The following RPS6KA2 variants were observed in gnomAD, a reference collection of about 807,000 sequenced individuals.
RPS6KA2 encodes the protein ribosomal protein S6 kinase A2, also known as ribosomal protein S6 kinase alpha-2.
A neutral mutation model predicts 91.8 loss-of-function variants in RPS6KA2; 42 were observed. The ratio of observed to expected loss-of-function variants is 0.46; its 90% CI spans 0.36 to 0.59. RPS6KA2 has a LOEUF of 0.59. Among genes scored for constraint, RPS6KA2 ranks in the 20% least tolerant of loss-of-function variants. The pLI is 0.00. For missense variants in RPS6KA2, 798 were observed against 978.5 expected, an observed-to-expected ratio of 0.82 and a Z score of 2.46; for synonymous variants, 414 against 393.6, an observed-to-expected ratio of 1.05 and a Z score of -0.61.
At chr6:166,476,820 G>A (rs976359032) in intron 10 of RPS6KA2, among the ~76,000 whole-genome samples, 6 of 152,122 alleles carry the variant, frequency 3.9e-5, no homozygotes, top group East Asian at 1.9e-4. Flanking sequence ...AGTCCAGGGC[G>A]GGAGAGCTCT....
intron 1 of RPS6KA2, among the ~76,000 whole-genome samples, chr6:166,544,038 G>T (rs1457771708): frequency 6.6e-6 from 1 of 152,248 alleles, no homozygotes; most frequent in Non-Finnish European, 1.5e-5. Flanking sequence ...AAATTCACCA[G>T]GTTGTCACCT....
chr6:166,848,041 C>A (rs1780650209), intron 2 of RPS6KA2, among the ~76,000 whole-genome samples: 1 of 152,106 alleles, frequency 6.6e-6, no homozygotes, highest in African/African-American at 2.4e-5. Flanking sequence ...TCAGGATCTG[C>A]AAGGAACTCA....
chr6:166,412,753 T>TCC lies in RPS6KA2; in HGVS notation c.*7_*8dup. 2 of 1,587,786 alleles carry TCC rather than the reference T, an allele frequency of 1.3e-6. No individual in the cohort carries two copies. Among genetic ancestry groups the TCC allele is most frequent in the Non-Finnish European group, 1.7e-6 (2 of 1,169,550 alleles). On this transcript the variant is annotated 3_prime_UTR_variant, in exon 21 of 21. Coordinates refer to ENST00000265678, the MANE Select transcript of RPS6KA2 (RefSeq NM_021135.6). This position sits in a 1 kb window ranked among gnomAD's most constrained non-coding sequence, Gnocchi z 4.3. ...CTGGCAGGGGACGCTGGGGCCAGGG[T>TCC]CCCACCCGCTACAGCCGCGTGGACG...
At chr6:166,815,454 T>TA (rs1779737865) in intron 2 of RPS6KA2, among the ~76,000 whole-genome samples, 1 of 152,218 alleles carries the variant, frequency 6.6e-6, no homozygotes, top group Non-Finnish European at 1.5e-5. Flanking sequence ...GTCACTAAAA[T>TA]AAAACAATTC....
intron 2 of RPS6KA2, among the ~76,000 whole-genome samples, chr6:166,812,524 C>T (rs1779665806): frequency 6.6e-6 from 1 of 152,098 alleles, no homozygotes; most frequent in Non-Finnish European, 1.5e-5. Flanking sequence ...TTTAGGCTTT[C>T]TCTCAAAGCC....
chr6:166,451,339 G>A, intron 12 of RPS6KA2, 106 bp from the exon 13 acceptor site: 1 of 1,113,358 alleles, frequency 9.0e-7, no homozygotes, highest in South Asian at 1.4e-5. Context: ...GTCCGTGTGT[G>A]TGTGTGTGTG....
chr6:166,545,567 CT>C (rs537156470), intron 1 of RPS6KA2, among the ~76,000 whole-genome samples: 2 of 151,972 alleles, frequency 1.3e-5, no homozygotes, highest in African/African-American at 4.8e-5. Context: ...CATTTCTCTC[CT>C]TTTTTTTCTC....
intron 2 of RPS6KA2, among the ~76,000 whole-genome samples, chr6:166,775,728 G>A (rs1029250976): frequency 2.0e-5 from 3 of 152,224 alleles, no homozygotes; most frequent in Admixed American, 2.0e-4. Context: ...TGCAGCCCGG[G>A]GATCTTCTCT....
intron 2 of RPS6KA2, among the ~76,000 whole-genome samples, chr6:166,772,975 G>A (rs147880702): frequency 3.3e-3 from 501 of 152,236 alleles, no homozygotes; most frequent in African/African-American, 0.012. Context: ...CTGCAGCCAC[G>A]CTATCCCTCC....
intron 2 of RPS6KA2, among the ~76,000 whole-genome samples, chr6:166,816,577 T>C (rs893243870): frequency 6.6e-6 from 1 of 151,514 alleles, no homozygotes; most frequent in Non-Finnish European, 1.5e-5. Flanking sequence ...AAAAGAATTA[T>C]TGAATGAAAC....
At chr6:166,709,527 A>G (rs960374890) in intron 2 of RPS6KA2, among the ~76,000 whole-genome samples, 29 of 152,246 alleles carry the variant, frequency 1.9e-4, no homozygotes, top group African/African-American at 7.0e-4. Flanking sequence ...GCTTCGCTTT[A>G]TCCTAATCTC....
intron 2 of RPS6KA2, among the ~76,000 whole-genome samples, chr6:166,688,735 T>C (rs1789101094): frequency 6.6e-6 from 1 of 152,142 alleles, no homozygotes; most frequent in Non-Finnish European, 1.5e-5. Flanking sequence ...GTGCCTAAGG[T>C]TAGCCAAACA....
intron 1 of RPS6KA2, among the ~76,000 whole-genome samples, chr6:166,553,936 C>A (rs1283716420): frequency 2.0e-5 from 3 of 152,136 alleles, no homozygotes; most frequent in Admixed American, 6.5e-5. Flanking sequence ...CTTAGCCCTG[C>A]TGAAAAATAC....
At chr6:166,690,906 C>T (rs541695122) in intron 2 of RPS6KA2, among the ~76,000 whole-genome samples, 1 of 152,190 alleles carries the variant, frequency 6.6e-6, no homozygotes, top group East Asian at 1.9e-4. Context: ...TACTCTGTGG[C>T]ATGCCATCTT....
At chr6:166,645,436 C>T (rs1316236313) in intron 2 of RPS6KA2, among the ~76,000 whole-genome samples, 5 of 152,180 alleles carry the variant, frequency 3.3e-5, no homozygotes, top group African/African-American at 1.2e-4. Flanking sequence ...CTATATATTT[C>T]CCCTAAGCAC....
chr6:166,595,212 C>T (rs144913693), intron 1 of RPS6KA2, among the ~76,000 whole-genome samples: 88 of 152,180 alleles, frequency 5.8e-4, no homozygotes, highest in African/African-American at 2.0e-3. Context: ...CCACCACGTC[C>T]GGCTAATGTT....
rs1360345994 is a variant in RPS6KA2 at position 166,557,990 on chromosome 6, G to A, written c.100-19206C>T. On this transcript the variant is annotated intron_variant, in intron 1 of 20. Transcript: ENST00000265678. This position sits in a 1 kb window ranked among gnomAD's most constrained non-coding sequence, Gnocchi z 4.8. ...TATACAGAGGGGTGTGTGTGTGTGT[G>A]TATATATGTATGTGTATATATAGGT... Among the ~76,000 whole-genome samples the A allele has an allele frequency of 3.3e-5, 5 of 151,798 alleles. No individual in the cohort carries two copies. The highest frequency in any genetic ancestry group is 4.8e-5 in the African/African-American group (2 of 41,242).
intron 19 of RPS6KA2, among the ~76,000 whole-genome samples, chr6:166,417,570 G>A (rs548954420): frequency 9.9e-5 from 15 of 151,244 alleles, no homozygotes; most frequent in East Asian, 1.9e-4. Context: ...AGACTTCCCC[G>A]TCCCCACAAT....
chr6:166,469,323 G>GTTTTT (rs1173909271), intron 11 of RPS6KA2, among the ~76,000 whole-genome samples: 1 of 101,474 alleles, frequency 9.9e-6, no homozygotes, highest in African/African-American at 5.2e-5. Context: ...ACTCGGCACT[G>GTTTTT]TTGTTTTTTT....
Sources: allele counts gnomAD v4.1 joint callset (sites outside exome capture counted in the v4.1 genomes callset), GRCh38; gene constraint gnomAD v4.1.1; non-coding constraint Gnocchi (gnomAD v3.1); transcripts MANE v1.5; gene names NCBI Gene and HGNC (gene_info 2026-07-23, HGNC 2026-07-21).